The following MAP2K3 variants were observed in gnomAD, a reference collection of about 807,000 sequenced individuals.
The protein encoded by MAP2K3 is dual specificity mitogen-activated protein kinase kinase 3.
MAP2K3 carries 30 observed loss-of-function variants against 46.4 expected under a neutral mutation model. That is an observed-to-expected ratio of 0.65 (90% CI 0.48 to 0.88). The LOEUF is 0.88. MAP2K3 is among the 40% of genes least tolerant of loss of function. The pLI, the probability that MAP2K3 is intolerant of heterozygous loss-of-function variation, is 0.00. For missense variants in MAP2K3, 380 were observed against 464.5 expected (o/e 0.82, Z 1.67); for synonymous variants, 189 against 176.3 (o/e 1.07, Z -0.57).
At chr17:21,304,292 A>C in intron 7 of MAP2K3, 134 bp from the exon 8 acceptor site, 1 of 1,520,236 alleles carries the variant, frequency 6.6e-7, no homozygotes, top group Non-Finnish European at 9.0e-7. Context: ...CCCTGGTGCA[A>C]CCTGCCCACT....
chr17:21,305,578 A>C, intron 9 of MAP2K3, among the ~76,000 whole-genome samples: 1 of 152,274 alleles, frequency 6.6e-6, no homozygotes, highest in African/African-American at 2.4e-5. Flanking sequence ...TGTGGAAGCC[A>C]AAGGCATCCC....
rs529648292 is a variant in MAP2K3, at chr17:21,308,511, G to A, written c.774+3383G>A. ...AATAGTGTATCTGTAGACAGTGACT[G>A]GGAAAGACTCAAAGTCGAAATAATT... On this transcript the variant is annotated intron_variant, in intron 9 of 11. Transcript: ENST00000342679. Among the ~76,000 whole-genome samples the A allele has an allele frequency of 6.6e-5, 10 of 152,414 alleles. No homozygotes were observed. The East Asian group carries it at 1.7e-3, about 26-fold the overall frequency.
At position 21,304,345 on chromosome 17, in the gene MAP2K3, G is replaced by T; in HGVS notation, c.569-81G>T. 10 of 1,606,708 alleles carry T rather than the reference G, an allele frequency of 6.2e-6. No individual in the cohort carries two copies. In the Admixed American group the frequency reaches 1.7e-4, roughly 27 times the overall value. On this transcript the variant is annotated intron_variant, in intron 7 of 11. Coordinates refer to ENST00000342679, the MANE Select transcript of MAP2K3 (RefSeq NM_145109.3). ...ACAGGAGGGGTCTTGGGCGAGGGAG[G>T]GGGGCACAGCTATGCAGAGCATGGC...
Position 21,284,932 on chromosome 17 carries a change from C to G in MAP2K3, c.12C>G (p.Pro4=). 7 of 1,612,060 alleles carry G rather than the reference C, an allele frequency of 4.3e-6. No individual in the cohort carries two copies. The highest frequency in any genetic ancestry group is 5.9e-6 in the Non-Finnish European group (7 of 1,179,642). The change falls in exon 1 of 12, where the codon CCC becomes CCG. Residue 4 remains proline, a synonymous_variant. Coordinates refer to ENST00000342679, the MANE Select transcript of MAP2K3 (RefSeq NM_145109.3). The stretch of plus-strand genomic sequence containing the variant: ...GACCCACTTGCAGCATGGAGTCGCC[C>G]GCCTCGAGCCAGCCCGCCAGCATGC... MES[P]ASSQPASMPQ... is the part of the protein sequence containing the mutation.
chr17:21,310,074 C>T (rs549678144), intron 9 of MAP2K3, among the ~76,000 whole-genome samples: 27 of 151,236 alleles, frequency 1.8e-4, no homozygotes, highest in African/African-American at 4.6e-4. Flanking sequence ...GGTGCAATCT[C>T]GGCTCACCAC....
chr17:21,296,755 C>T (rs1205061035), intron 1 of MAP2K3, among the ~76,000 whole-genome samples: 16 of 152,312 alleles, frequency 1.1e-4, no homozygotes, highest in Non-Finnish European at 1.8e-4. Context: ...GTGACAGACT[C>T]GCAGTGAGAC....
At position 21,284,901 on chromosome 17, in the gene MAP2K3, G is replaced by A. The variant is rs1262299930; in HGVS notation, c.-20G>A. On this transcript the variant is annotated 5_prime_UTR_variant, in exon 1 of 12. Coordinates refer to ENST00000342679, the MANE Select transcript of MAP2K3 (RefSeq NM_145109.3). Reference sequence around the variant, plus strand: ...GTCCTCTAGATTAGTCTCCACCGCCGTCCAGGACCCACTTGCAGCATGGAG... The same window carrying A: ...GTCCTCTAGATTAGTCTCCACCGCCATCCAGGACCCACTTGCAGCATGGAG... 1 of 1,611,878 alleles carries A rather than the reference G, an allele frequency of 6.2e-7. No homozygotes were observed. The highest frequency in any genetic ancestry group is 2.2e-5 in the East Asian group (1 of 44,832).
At chr17:21,295,863 G>A in intron 1 of MAP2K3, 16 of 1,287,340 alleles carry the variant, frequency 1.2e-5, no homozygotes, top group Non-Finnish European at 1.5e-5. Context: ...GGGCCAGAGG[G>A]ACCAAGAGCA....
intron 5 of MAP2K3, among the ~76,000 whole-genome samples, chr17:21,301,767 C>G (rs900182712): frequency 6.6e-6 from 1 of 152,428 alleles, no homozygotes; most frequent in East Asian, 1.9e-4. Context: ...GAGCCATCTG[C>G]CAGGGTCAGC....
Position 21,312,161 on chromosome 17 carries a change from G to T in MAP2K3, c.794G>T (p.Arg265Leu). ...CTGCAGATTGAGATGGCCATCCTGC[G>T]GTTCCCTTACGAGTCCTGGGGGACC... ...GITMIEMAIL[R>L]FPYESWGTPF... Residue 265 changes from arginine to leucine, a missense_variant, in exon 10 of 12, where the codon CGG (arginine) becomes CTG (leucine). This residue lies in a region of MAP2K3 where 10 missense variants were observed against 30.0 expected (regional missense o/e 0.33). Transcript: ENST00000342679. 6.4e-7 allele frequency: 1 copy of T among 1,569,674 alleles called. No individual in the cohort carries two copies. The highest frequency in any genetic ancestry group is 1.2e-5 in the South Asian group (1 of 86,120).
chr17:21,288,581 T>C (rs1219822018), intron 1 of MAP2K3, among the ~76,000 whole-genome samples: 2 of 152,212 alleles, frequency 1.3e-5, no homozygotes, highest in Non-Finnish European at 2.9e-5. Flanking sequence ...CCTTTTGCGA[T>C]GTGACGTGGG....
rs1042002946 is a variant in MAP2K3, at chr17:21,298,863, C to T, written c.117-15C>T. On this transcript the variant is annotated splice_polypyrimidine_tract_variant and intron_variant, in intron 2 of 11. Transcript: ENST00000342679. ...TGGTTCTCTCTGAAGCTCACGGAGT[C>T]TTCTTTCTCCACAGACCCCCCCGGA... The T allele has an allele frequency of 1.9e-6, 3 of 1,614,194 alleles. No homozygotes were observed. The highest frequency in any genetic ancestry group is 2.5e-6 in the Non-Finnish European group (3 of 1,180,062).
rs771389358 is a variant in MAP2K3, at chr17:21,312,127, CT to C, written c.775-14del. 1.3e-6 allele frequency: 2 copies of C among 1,519,482 alleles called. No homozygotes were observed. The highest frequency in any genetic ancestry group is 1.8e-6 in the Non-Finnish European group (2 of 1,136,508). The allele number at this position is 1,519,482 out of a possible 1,614,324, so 94.1% of individuals were successfully genotyped here. On this transcript the variant is annotated splice_polypyrimidine_tract_variant and intron_variant, in intron 9 of 11. Transcript: ENST00000342679. ...ATCTGGGGCCGGGGCCTCTGACCCC[CT>C]GTCCCCGCTGCAGATTGAGATGGCC...
Position 21,303,280 on chromosome 17 carries a change from G to A in MAP2K3, c.568+46G>A. 4 of 1,612,722 alleles carry A rather than the reference G, an allele frequency of 2.5e-6. No homozygotes were observed. The South Asian group carries it at 4.4e-5, about 18-fold the overall frequency. On this transcript the variant is annotated intron_variant, in intron 7 of 11. Transcript: ENST00000342679. Reference sequence around the variant, plus strand: ...CAGGCACGGTGTAGCCAGTGGGAGGGATCCCAGGCCAAGGCGGGTGGACGT... The same window carrying A: ...CAGGCACGGTGTAGCCAGTGGGAGGAATCCCAGGCCAAGGCGGGTGGACGT...
At position 21,295,745 on chromosome 17, in the gene MAP2K3, C is replaced by T. The variant is rs749992365; in HGVS notation, c.50-2668C>T. ...GGAGCGTGGTCCCCACCCATCCAGC[C>T]CATATGTGCAAGTGCCCTTGACAGG... On this transcript the variant is annotated intron_variant, in intron 1 of 11. Coordinates refer to ENST00000342679, the MANE Select transcript of MAP2K3 (RefSeq NM_145109.3). 6 of 1,289,484 alleles carry T rather than the reference C, an allele frequency of 4.7e-6. No homozygotes were observed. In the South Asian group the frequency reaches 7.4e-5, roughly 16 times the overall value. 79.9% of individuals were successfully genotyped at this position (1,289,484 alleles called of 1,614,324 possible).
chr17:21,303,688 T>C lies in MAP2K3; in HGVS notation c.568+454T>C, dbSNP rs914896821. Among the ~76,000 whole-genome samples, 153 of 152,348 alleles carry C rather than the reference T, an allele frequency of 1.0e-3. No individual in the cohort carries two copies. In the South Asian group the frequency reaches 0.032, roughly 32 times the overall value. On this transcript the variant is annotated intron_variant, in intron 7 of 11. Transcript: ENST00000342679. ...GGTTGGTTTCGCCCTTTCTGGAACA[T>C]CAGCCTCGCTTGATGTTTCTGGACC...
chr17:21,296,558 G>A (rs865868537), intron 1 of MAP2K3, among the ~76,000 whole-genome samples: 2 of 152,312 alleles, frequency 1.3e-5, no homozygotes, highest in Non-Finnish European at 2.9e-5. Context: ...TGGGGTCTGC[G>A]AGTCAATAAA....
At chr17:21,295,901 G>T in intron 1 of MAP2K3, 1 of 1,269,784 alleles carries the variant, frequency 7.9e-7, no homozygotes, top group Non-Finnish European at 1.0e-6. Flanking sequence ...GTGTGGCGTG[G>T]ACCCCACAGG....
At chr17:21,301,044 C>T (rs544323774) in intron 5 of MAP2K3, 51 bp downstream of exon 5, 55 of 1,612,838 alleles carry the variant, frequency 3.4e-5, no homozygotes, top group Middle Eastern at 1.7e-4. Context: ...ACCCATCAGT[C>T]GCCTGCAACC....
Sources: allele counts gnomAD v4.1 joint callset (sites outside exome capture counted in the v4.1 genomes callset), GRCh38; gene constraint gnomAD v4.1.1; regional missense constraint gnomAD v4.1.1; transcripts MANE v1.5; gene names NCBI Gene and HGNC (gene_info 2026-07-23, HGNC 2026-07-21).